Variants in ITFG1 observed in about 807,000 individuals in gnomAD.
ITFG1 encodes integrin alpha FG-GAP repeat containing 1, also known as T-cell immunomodulatory protein.
Under a neutral mutation model 81.8 loss-of-function variants are expected in ITFG1, and 34 were observed. The ratio of observed to expected loss-of-function variants is 0.42; its 90% CI spans 0.32 to 0.55. The LOEUF is 0.55. Ranked by LOEUF, ITFG1 falls within the 20% of genes least tolerant of loss-of-function variation. ITFG1 has a pLI of 0.17. For synonymous variants in ITFG1, 285 were observed against 270.6 expected (o/e 1.05, Z -0.52); for missense variants, 672 against 755.4 (o/e 0.89, Z 1.29).
chr16:47,451,447 T>C lies in ITFG1; in HGVS notation c.509A>G (p.Asp170Gly). The change falls in exon 5 of 18, where the codon GAT becomes GGT. Residue 170 changes from aspartate to glycine, a missense_variant. Transcript: ENST00000320640. Reference sequence around the variant, plus strand: ...GGATTCATTTGTGATACCAAAAATATCAGGAATTAGATCACCATTGAAACT... The same window carrying C: ...GGATTCATTTGTGATACCAAAAATACCAGGAATTAGATCACCATTGAAACT... Reference protein sequence around the residue: ...IMDFNGDLIPDIFGITNESNQ... With the variant: ...IMDFNGDLIPGIFGITNESNQ... The C allele has an allele frequency of 6.3e-7, 1 of 1,582,662 alleles. No individual in the cohort carries two copies. The highest frequency in any genetic ancestry group is 2.2e-5 in the East Asian group (1 of 44,708).
intron 10 of ITFG1, among the ~76,000 whole-genome samples, chr16:47,267,151 G>A (rs1287681862): frequency 6.6e-6 from 1 of 152,138 alleles, no homozygotes; most frequent in East Asian, 1.9e-4. Context: ...AAAAACCATT[G>A]AACTGTATAC....
chr16:47,453,772 A>G (rs1969417389), intron 3 of ITFG1, among the ~76,000 whole-genome samples: 1 of 152,214 alleles, frequency 6.6e-6, no homozygotes, highest in Admixed American at 6.5e-5. Context: ...TCTGTGAGCC[A>G]CTAAAATCCT....
At position 47,180,419 on chromosome 16, in the gene ITFG1, C is replaced by A. The variant is rs557112152; in HGVS notation, c.1454-17755G>T. On this transcript the variant is annotated intron_variant, in intron 14 of 17. Transcript: ENST00000320640. ...CCCTCTCCCTCTCTTTCCACGGTCTCCCTCTGATGCCGAGCCAAAGCTGGA... is the reference window on the plus strand; with the variant it reads ...CCCTCTCCCTCTCTTTCCACGGTCTACCTCTGATGCCGAGCCAAAGCTGGA... 2.6e-5 allele frequency among the ~76,000 whole-genome samples: 4 copies of A among 152,000 alleles called. 1 individual carries two copies. Among genetic ancestry groups the A allele is most frequent in the African/African-American group, 9.7e-5 (4 of 41,376 alleles).
chr16:47,444,244 G>A (rs1042426983), intron 5 of ITFG1, among the ~76,000 whole-genome samples: 3 of 152,038 alleles, frequency 2.0e-5, no homozygotes, highest in South Asian at 2.1e-4. Flanking sequence ...TATAAAATAG[G>A]TTATAAAAAT....
rs376360924 is a variant in ITFG1, at chr16:47,161,762, T to C, written c.1649A>G (p.Asn550Ser). The C allele has an allele frequency of 3.4e-5, 55 of 1,607,768 alleles. No homozygotes were observed. The highest frequency in any genetic ancestry group is 2.2e-4 in the Admixed American group (13 of 59,964). ...GCAAGTACATTACCTTCGAGGGACA[T>C]TGTGAGGGTATGGAATGACAATTAG... is the stretch of plus-strand genomic sequence containing the variant. ...SQLIVIPYPH[N>S]VPRSWSAKLY... Residue 550 changes from asparagine to serine, a missense_variant, in exon 16 of 18, where the codon AAT (asparagine) becomes AGT (serine). Asn to Ser is a conservative substitution (Grantham distance 46, BLOSUM62 1). Transcript: ENST00000320640.
At chr16:47,300,118 C>T (rs928280345) in intron 10 of ITFG1, among the ~76,000 whole-genome samples, 1 of 152,164 alleles carries the variant, frequency 6.6e-6, no homozygotes, top group Non-Finnish European at 1.5e-5. Flanking sequence ...TATGATTCCC[C>T]AGTGGGAAAG....
intron 8 of ITFG1, among the ~76,000 whole-genome samples, chr16:47,351,480 A>T (rs1967953985): frequency 6.6e-6 from 1 of 152,200 alleles, no homozygotes; most frequent in Non-Finnish European, 1.5e-5. Flanking sequence ...AAGAGAATAA[A>T]ATACCTAGGA....
chr16:47,355,046 T>C (rs1968019564), intron 8 of ITFG1, among the ~76,000 whole-genome samples: 1 of 152,074 alleles, frequency 6.6e-6, no homozygotes, highest in Non-Finnish European at 1.5e-5. Context: ...ACTGGGTATA[T>C]AGCTAAAGGA....
At chr16:47,206,200 T>A (rs1965498224) in intron 14 of ITFG1, among the ~76,000 whole-genome samples, 1 of 152,128 alleles carries the variant, frequency 6.6e-6, no homozygotes, top group Non-Finnish European at 1.5e-5. Context: ...AGTTAATATT[T>A]ACTATCTAAG....
chr16:47,231,061 A>T (rs1317432764), intron 13 of ITFG1, among the ~76,000 whole-genome samples: 2 of 152,226 alleles, frequency 1.3e-5, no homozygotes, highest in Non-Finnish European at 2.9e-5. Flanking sequence ...ATGACAAATT[A>T]TTAAGCACCA....
At chr16:47,411,019 C>CAA (rs1968803928) in intron 6 of ITFG1, among the ~76,000 whole-genome samples, 1 of 152,186 alleles carries the variant, frequency 6.6e-6, no homozygotes, top group African/African-American at 2.4e-5. Context: ...GCACAACCTC[C>CAA]GCTGAGCAGT....
intron 10 of ITFG1, among the ~76,000 whole-genome samples, chr16:47,302,837 C>T (rs1234755468): frequency 1.3e-5 from 2 of 152,182 alleles, no homozygotes; most frequent in Non-Finnish European, 2.9e-5. Context: ...TGTGCCACAT[C>T]GCCTTGTTAC....
intron 14 of ITFG1, among the ~76,000 whole-genome samples, chr16:47,172,252 A>T (rs1964971608): frequency 6.6e-6 from 1 of 152,182 alleles, no homozygotes; most frequent in Non-Finnish European, 1.5e-5. Flanking sequence ...TGGGAGGCTG[A>T]GGCGGGTGGA....
intron 8 of ITFG1, among the ~76,000 whole-genome samples, chr16:47,347,451 C>T (rs997374247): frequency 3.3e-5 from 5 of 152,218 alleles, no homozygotes; most frequent in African/African-American, 4.8e-5. Context: ...TCATTGCTAG[C>T]GCAGCAGTCT....
chr16:47,208,758 G>C (rs1230912466), intron 14 of ITFG1, among the ~76,000 whole-genome samples: 1 of 152,110 alleles, frequency 6.6e-6, no homozygotes, highest in Non-Finnish European at 1.5e-5. Context: ...ACATAAGTGG[G>C]ATACCGTTAG....
Position 47,454,143 on chromosome 16 carries a change from C to A in ITFG1, c.297G>T (p.Leu99Phe), listed in dbSNP as rs1969422495. 2 of 1,604,736 alleles carry A rather than the reference C, an allele frequency of 1.2e-6. No individual in the cohort carries two copies. The highest frequency in any genetic ancestry group is 4.5e-5 in the East Asian group (2 of 44,722). The change falls in exon 3 of 18, where the codon TTG becomes TTT. Residue 99 changes from leucine (L) to phenylalanine (F), a missense_variant. Coordinates refer to ENST00000320640, the MANE Select transcript of ITFG1 (RefSeq NM_030790.5). The stretch of plus-strand genomic sequence containing the variant: ...AATCCCCAGGGACTACACTTGTTAT[C>A]AATGCACTGTGATTCCTAAAAGAAA... ...VKVSFKNHSA[L>F]ITSVVPGDYD...
rs536867733 is a variant in ITFG1 at position 47,424,922 on chromosome 16, G to A, written c.655+3882C>T. Among the ~76,000 whole-genome samples, 2 of 152,234 alleles carry A rather than the reference G, an allele frequency of 1.3e-5. 1 individual carries two copies. Among genetic ancestry groups the A allele is most frequent in the East Asian group, 3.9e-4 (2 of 5,172 alleles). ...ACCCACTTGAGGAGGCAGTGTGTCC[G>A]TTCTCGGAGTTGGAACGCCACGCTG... On this transcript the variant is annotated intron_variant, in intron 6 of 17. Transcript: ENST00000320640.
At chr16:47,388,781 C>A (rs568889687) in intron 6 of ITFG1, among the ~76,000 whole-genome samples, 1 of 152,066 alleles carries the variant, frequency 6.6e-6, no homozygotes, top group Non-Finnish European at 1.5e-5. Flanking sequence ...AGTGTGACCC[C>A]GTCTTACACT....
At chr16:47,272,736 T>C (rs1329415333) in intron 10 of ITFG1, among the ~76,000 whole-genome samples, 1 of 151,928 alleles carries the variant, frequency 6.6e-6, no homozygotes, top group East Asian at 1.9e-4. Flanking sequence ...ATAGAATAAA[T>C]GGGTGAATTG....
Sources: allele counts gnomAD v4.1 joint callset (sites outside exome capture counted in the v4.1 genomes callset), GRCh38; gene constraint gnomAD v4.1.1; transcripts MANE v1.5; gene names NCBI Gene and HGNC (gene_info 2026-07-23, HGNC 2026-07-21).